Variants in FRMD6 observed in about 807,000 individuals in gnomAD.
FRMD6 encodes the protein FERM domain-containing protein 6.
In FRMD6, 37 loss-of-function variants were observed where a neutral mutation model predicts 73.2. That is an observed-to-expected ratio of 0.51 (90% confidence interval 0.39 to 0.66). The LOEUF (loss-of-function observed/expected upper bound fraction) is 0.66, where lower values mean the gene tolerates loss of function less well. Ranked by LOEUF, FRMD6 falls within the 30% of genes least tolerant of loss-of-function variation. The pLI, the probability that FRMD6 is intolerant of heterozygous loss-of-function variation, is 0.00. For synonymous variants in FRMD6, 273 were observed against 282.2 expected (o/e 0.97, Z 0.33); for missense variants, 714 against 780.5 (o/e 0.91, Z 1.02).
chr14:51,721,712 A>AAGGAAGGGAGGG lies in FRMD6; in HGVS notation c.1361-217_1361-206dup, dbSNP rs1566598212. Among the ~76,000 whole-genome samples, 20 of 111,578 alleles carry AAGGAAGGGAGGG rather than the reference A, an allele frequency of 1.8e-4. No individual in the cohort carries two copies. The East Asian group carries it at 3.5e-3, about 19-fold the overall frequency. 73.2% of individuals were successfully genotyped at this position (111,578 alleles called of 152,430 possible). A position where few individuals can be genotyped will look rare whatever the true frequency, so the allele number is the denominator to read the frequency against. On this transcript the variant is annotated intron_variant, in intron 11 of 13. Coordinates refer to ENST00000344768, the MANE Select transcript of FRMD6 (RefSeq NM_001267046.2). ...GGTCCCAGGAAGGAAGGAAGGAAGG[A>AAGGAAGGGAGGG]AGGAAGGGAGGGAGGAAGGGAGGGA...
intron 1 of FRMD6, among the ~76,000 whole-genome samples, chr14:51,564,278 C>T (rs189013788): frequency 1.1e-4 from 16 of 152,290 alleles, no homozygotes; most frequent in African/African-American, 3.9e-4. Flanking sequence ...AAAATGCATT[C>T]GTGTTGCTGT....
At chr14:51,651,077 G>A, upstream of FRMD6, 1 of 152,940 alleles carries the variant, frequency 6.5e-6, no homozygotes, top group Non-Finnish European at 1.5e-5. Context: ...TTGATTCCTT[G>A]TGCTATAAAA....
chr14:51,464,826 G>A, the FRMD6 span, among the ~76,000 whole-genome samples: 1 of 152,164 alleles, frequency 6.6e-6, no homozygotes, highest in Non-Finnish European at 1.5e-5. Flanking sequence ...TGCCAGCCAG[G>A]TATATATACC....
chr14:51,693,036 T>A (rs549201363), intron 2 of FRMD6, among the ~76,000 whole-genome samples: 1 of 152,320 alleles, frequency 6.6e-6, no homozygotes, highest in East Asian at 1.9e-4. Context: ...GGTACTGAAT[T>A]TGTATTAGCT....
intron 1 of FRMD6, among the ~76,000 whole-genome samples, chr14:51,555,484 T>A (rs1048470767): frequency 6.6e-6 from 1 of 152,126 alleles, no homozygotes; most frequent in Admixed American, 6.5e-5. Context: ...AATTACATAC[T>A]GATGTAGTCT....
At chr14:51,600,409 CA>C (rs1408666056) in intron 2 of FRMD6, among the ~76,000 whole-genome samples, 4 of 152,234 alleles carry the variant, frequency 2.6e-5, no homozygotes, top group African/African-American at 9.6e-5. Context: ...GTGCTATAAC[CA>C]AGGTGAGAAA....
intron 2 of FRMD6, among the ~76,000 whole-genome samples, chr14:51,577,973 A>G (rs543902987): frequency 6.6e-6 from 1 of 152,266 alleles, no homozygotes; most frequent in South Asian, 2.1e-4. Flanking sequence ...GCCTACTCAC[A>G]GGTTATCATG....
At chr14:51,721,773 A>AGGAGGGAAGGAAGGAAGGAGGGAC (rs1897630294) in intron 11 of FRMD6, among the ~76,000 whole-genome samples, 176 bp from the exon 12 acceptor site, 1 of 151,200 alleles carries the variant, frequency 6.6e-6, no homozygotes, top group African/African-American at 2.4e-5. Context: ...GAAGGAGGGA[A>AGGAGGGAAGGAAGGAAGGAGGGAC]GGAGTAAACA....
intron 1 of FRMD6, among the ~76,000 whole-genome samples, chr14:51,528,048 C>T (rs955608119): frequency 2.6e-5 from 4 of 152,126 alleles, no homozygotes; most frequent in African/African-American, 9.7e-5. Flanking sequence ...AGGCTGAGTC[C>T]AGAGGATCAT....
At chr14:51,676,333 T>C (rs1010552002) in intron 1 of FRMD6, among the ~76,000 whole-genome samples, 1 of 152,222 alleles carries the variant, frequency 6.6e-6, no homozygotes, top group African/African-American at 2.4e-5. Flanking sequence ...TCAGAAATTA[T>C]TTTATACCTG....
At chr14:51,405,933 C>T in the FRMD6 span, among the ~76,000 whole-genome samples, 2 of 152,040 alleles carry the variant, frequency 1.3e-5, no homozygotes, top group Non-Finnish European at 2.9e-5. Flanking sequence ...GATGGTATTG[C>T]CTAGGTTGTC....
intron 1 of FRMD6, among the ~76,000 whole-genome samples, chr14:51,673,401 C>T (rs1365106480): frequency 5.3e-5 from 8 of 152,094 alleles, no homozygotes; most frequent in Admixed American, 4.6e-4. Context: ...ATTCTAGCTG[C>T]CTCTGCCTCC....
At chr14:51,726,673 C>T (rs1018162501) in intron 13 of FRMD6, among the ~76,000 whole-genome samples, 1 of 152,160 alleles carries the variant, frequency 6.6e-6, no homozygotes, top group Admixed American at 6.5e-5. Context: ...TTCTGGGGCA[C>T]AGCTGATAGT....
At chr14:51,680,832 T>C (rs971842283) in intron 1 of FRMD6, among the ~76,000 whole-genome samples, 2 of 152,186 alleles carry the variant, frequency 1.3e-5, no homozygotes, top group Admixed American at 1.3e-4. Context: ...TCTCATTTTT[T>C]ACTTTGATAA....
chr14:51,568,252 T>A (rs1350235270), intron 1 of FRMD6, among the ~76,000 whole-genome samples: 1 of 152,258 alleles, frequency 6.6e-6, no homozygotes, highest in Admixed American at 6.5e-5. Context: ...AAACCTTCCA[T>A]TGATTTAGGC....
At chr14:51,699,079 GT>G (rs1896126875) in intron 3 of FRMD6, among the ~76,000 whole-genome samples, 1 of 152,034 alleles carries the variant, frequency 6.6e-6, no homozygotes, top group African/African-American at 2.4e-5. Context: ...ACAATAATAT[GT>G]TTACACCTGC....
intron 2 of FRMD6, among the ~76,000 whole-genome samples, chr14:51,594,262 T>TTACA (rs1177985522): frequency 6.6e-6 from 1 of 152,122 alleles, no homozygotes; most frequent in African/African-American, 2.4e-5. Context: ...GTAACTGGGA[T>TTACA]TACAGGTGTG....
chr14:51,641,256 C>G (rs1382212115), intron 2 of FRMD6, among the ~76,000 whole-genome samples: 1 of 152,194 alleles, frequency 6.6e-6, no homozygotes, highest in African/African-American at 2.4e-5. Context: ...GCTGGGATTA[C>G]AGGTGTGAGC....
intron 10 of FRMD6, among the ~76,000 whole-genome samples, chr14:51,719,808 C>A (rs1474613954): frequency 6.6e-6 from 1 of 152,178 alleles, no homozygotes; most frequent in Non-Finnish European, 1.5e-5. Context: ...ACTTTAAATA[C>A]CACTCTTCTT....
Sources: gnomAD v4.1 joint callset for allele counts (sites outside exome capture counted in the v4.1 genomes callset) on GRCh38, gnomAD v4.1.1 for gene constraint, MANE v1.5 for transcripts, NCBI Gene and HGNC (gene_info 2026-07-23, HGNC 2026-07-21) for gene names.